Variants in NEB observed in about 807,000 individuals in gnomAD.
NEB encodes nemaline myopathy type 2.
Under a neutral mutation model 952.2 loss-of-function variants are expected in NEB, and 512 were observed. That is an observed-to-expected ratio of 0.54 (90% CI 0.50 to 0.58). The LOEUF is 0.58. Among genes scored for constraint, NEB ranks in the 20% least tolerant of loss-of-function variants. The pLI is 0.00. For synonymous variants in NEB, 2,900 were observed against 3,149.8 expected, an observed-to-expected ratio of 0.92 and a Z score of 2.66; for missense variants, 8,428 against 9,231.1, an observed-to-expected ratio of 0.91 and a Z score of 3.56.
chr2:151,616,221 T>C (rs1289596819), intron 75 of NEB, 112 bp from the exon 76 acceptor site: 2 of 761,462 alleles, frequency 2.6e-6, no homozygotes, highest in Non-Finnish European at 4.4e-6. Flanking sequence ...ACAAAGTCAA[T>C]CATTAGGGTG....
At chr2:151,556,646 AAAG>A (rs1269815871) in intron 124 of NEB, among the ~76,000 whole-genome samples, 4 of 152,096 alleles carry the variant, frequency 2.6e-5, no homozygotes, top group Non-Finnish European at 5.9e-5. Context: ...GGGATCAATG[AAAG>A]AAGAAGAGCT....
rs1319402730 is a variant in NEB, at chr2:151,679,969, T to G, written c.3096A>C (p.Pro1032=). The G allele has an allele frequency of 6.2e-7, 1 of 1,613,728 alleles. No individual in the cohort carries two copies. Among genetic ancestry groups the G allele is most frequent in the Non-Finnish European group, 8.5e-7 (1 of 1,179,724 alleles). The change falls in exon 31 of 182, where the codon CCA becomes CCC. Residue 1032 remains proline, a synonymous_variant. Transcript: ENST00000397345. The part of the protein sequence containing the change: ...EEIIHKYNLP[P]DLPQFIQAKV... ...TAGCCTGGATGAACTGGGGCAGGTC[T>G]GGTGGCAGGTTGTATTTGTGAATAA...
In NEB at chr2:151,553,407, T is replaced by C. The variant is rs141526973; in HGVS notation, c.19722A>G (p.Leu6574=). 24 of 1,611,230 alleles carry C rather than the reference T, an allele frequency of 1.5e-5. No individual in the cohort carries two copies. Among genetic ancestry groups the C allele is most frequent in the African/African-American group, 1.2e-4 (9 of 74,950 alleles). The change falls in exon 127 of 182, where the codon CTA becomes CTG. Residue 6574 remains leucine (L), a synonymous_variant. Transcript: ENST00000397345. ...EILHAKHAYD[L]RDDIKYKAHM... is the part of the protein sequence containing the mutation. ...AACAAGGCAAACTCACATCATCACG[T>C]AGATCATAAGCATGCTTGGCATGGA...
intron 133 of NEB, among the ~76,000 whole-genome samples, chr2:151,546,776 C>T (rs530008835): frequency 6.6e-5 from 10 of 152,170 alleles, no homozygotes; most frequent in Non-Finnish European, 1.2e-4. Flanking sequence ...CCAGGCTGGT[C>T]TCGAACTCCT....
chr2:151,703,042 T>C (rs2099682829), intron 13 of NEB, among the ~76,000 whole-genome samples: 1 of 151,976 alleles, frequency 6.6e-6, no homozygotes, highest in Admixed American at 6.6e-5. Flanking sequence ...GAAGCTCTTT[T>C]AGGGCAGGCC....
chr2:151,541,559 T>C lies in NEB; in HGVS notation c.20578-8A>G, dbSNP rs368526624. 9.4e-6 allele frequency: 15 copies of C among 1,603,818 alleles called. No individual in the cohort carries two copies. The highest frequency in any genetic ancestry group is 1.2e-5 in the Non-Finnish European group (14 of 1,171,232). On this transcript the variant is annotated splice_polypyrimidine_tract_variant and splice_region_variant and intron_variant, in intron 135 of 181. Transcript: ENST00000397345. ...TGCAGCTCTGTAGACCAGCTAGACA[T>C]AAACCAAGTTATCACCATCATTTCT...
chr2:151,497,822 G>A, intron 170 of NEB, 104 bp from the exon 171 acceptor site: 1 of 1,527,168 alleles, frequency 6.5e-7, no homozygotes, highest in South Asian at 1.3e-5. Flanking sequence ...GGAGCCAGAA[G>A]TTATATGCTG....
intron 157 of NEB, among the ~76,000 whole-genome samples, chr2:151,516,157 T>C (rs1029856477): frequency 2.0e-5 from 3 of 152,178 alleles, no homozygotes; most frequent in Non-Finnish European, 4.4e-5. Flanking sequence ...GAACTTTTCA[T>C]TCATAAAGGA....
chr2:151,570,589 C>G lies in NEB; in HGVS notation c.17026G>C (p.Glu5676Gln). The change falls in exon 108 of 182, where the codon GAG becomes CAG. Residue 5676 changes from glutamate (E) to glutamine (Q), a missense_variant. This residue lies in a region of NEB where 3,374 missense variants were observed against 3,651.5 expected (regional missense o/e 0.92). Coordinates refer to ENST00000397345, the MANE Select transcript of NEB (RefSeq NM_001164508.2). ...CCCGCCTTCATTTCATCCCAGCCCT[C>G]ACGGTAAAGTTTCTGAAAAGGAGAA... ...ALNVSNKLYR[E>Q]GWDEMKAGCD... 1 of 1,595,994 alleles carries G rather than the reference C, an allele frequency of 6.3e-7. No homozygotes were observed. The highest frequency in any genetic ancestry group is 2.3e-5 in the East Asian group (1 of 44,022).
In NEB at chr2:151,565,683, G is replaced by A. The variant is rs766454759; in HGVS notation, c.18261+33C>T. On this transcript the variant is annotated intron_variant, in intron 115 of 181. Transcript: ENST00000397345. ...CCCAACATGGCAGGTAGGAGGACAG[G>A]CATAGGTTAGAAGGAGAATAGGCTT... The A allele has an allele frequency of 2.5e-6, 4 of 1,587,184 alleles. No homozygotes were observed. In the Admixed American group the frequency reaches 6.9e-5, roughly 27 times the overall value.
chr2:151,695,601 CTT>C lies in NEB; in HGVS notation c.1649_1650del (p.Lys550SerfsTer5). The C allele has an allele frequency of 6.2e-7, 1 of 1,613,750 alleles. No individual in the cohort carries two copies. The highest frequency in any genetic ancestry group is 8.5e-7 in the Non-Finnish European group (1 of 1,179,724). On this transcript the variant is annotated frameshift_variant, in exon 18 of 182. Transcript: ENST00000397345. LOFTEE classifies it high-confidence loss of function. ...ACATCACTCAAGTTATAGGCATTGA[CTT>C]TGTGCTGGATAAAAGCAGGAGTATC... Reference protein sequence around the residue: ...PPDTPAFIQHKVNAYNLSDNL... With the variant: ...PPDTPAFIQHXVNAYNLSDNL...
chr2:151,568,168 T>C lies in NEB; in HGVS notation c.17747A>G (p.Lys5916Arg), dbSNP rs73967567. 1,032 of 1,613,126 alleles carry C rather than the reference T, an allele frequency of 6.4e-4. 6 individuals carry two copies. The African/African-American group carries it at 0.013, about 20-fold the overall frequency. ...AARILDQYLYKEGWERQKATG... is the reference protein window; with the variant it reads ...AARILDQYLYREGWERQKATG... Reference sequence around the variant, plus strand: ...GGCTTTTTGTCTCTCCCAGCCTTCCTTGTAGAGATACTGAAAGACAGAGCC... The same window carrying C: ...GGCTTTTTGTCTCTCCCAGCCTTCCCTGTAGAGATACTGAAAGACAGAGCC... The change falls in exon 113 of 182, where the codon AAG becomes AGG. Residue 5916 changes from lysine to arginine, a missense_variant. Physicochemically the swap from Lys to Arg is conservative, Grantham distance 26 (BLOSUM62 2). This residue lies in a region of NEB where 3,374 missense variants were observed against 3,651.5 expected (regional missense o/e 0.92). Transcript: ENST00000397345.
chr2:151,659,199 T>TA (rs1275318304), intron 46 of NEB, 30 bp from the exon 47 acceptor site: 1 of 1,460,496 alleles, frequency 6.8e-7, no homozygotes, highest in Non-Finnish European at 9.6e-7. Flanking sequence ...AATTAGTGTT[T>TA]AAAATCTTAA....
At chr2:151,653,928 A>T (rs1176297996) in intron 52 of NEB, 64 bp downstream of exon 52, 16 of 1,035,320 alleles carry the variant, frequency 1.5e-5, no homozygotes, top group Non-Finnish European at 1.9e-5. Context: ...AAAAATAGTT[A>T]CCGACATTAA....
intron 6 of NEB, 46 bp from the exon 7 acceptor site, chr2:151,725,007 G>C (rs556473915): frequency 2.1e-6 from 3 of 1,429,010 alleles, no homozygotes; most frequent in South Asian, 1.2e-5. Flanking sequence ...GCATGTACAT[G>C]TGAGTATATT....
chr2:151,591,750 G>C (rs1342177144), intron 95 of NEB, among the ~76,000 whole-genome samples: 2 of 152,310 alleles, frequency 1.3e-5, no homozygotes, highest in African/African-American at 2.4e-5. Flanking sequence ...AAGCAATGAT[G>C]GATGGCCCAC....
At chr2:151,493,587 G>A (rs1345604376) in intron 175 of NEB, 142 bp from the exon 176 acceptor site, 4 of 746,486 alleles carry the variant, frequency 5.4e-6, no homozygotes, top group African/African-American at 5.3e-5. Flanking sequence ...ACGGTAGGAA[G>A]CAAAAGTTTA....
At chr2:151,666,064 A>G in intron 41 of NEB, 26 bp downstream of exon 41, 1 of 1,582,624 alleles carries the variant, frequency 6.3e-7, no homozygotes, top group Non-Finnish European at 8.6e-7. Context: ...TTAGAAATGG[A>G]TAACAACTTG....
chr2:151,490,640 A>G lies in NEB; in HGVS notation c.25151-122T>C, dbSNP rs990774947. On this transcript the variant is annotated intron_variant, in intron 179 of 181. Coordinates refer to ENST00000397345, the MANE Select transcript of NEB (RefSeq NM_001164508.2). ...CAAGCATGGTTTTAAGTACTTTCCC[A>G]TGGGTCAAACCCTCACAGTTATTCT... 7 of 1,220,310 alleles carry G rather than the reference A, an allele frequency of 5.7e-6. No homozygotes were observed. The African/African-American group carries it at 9.0e-5, about 16-fold the overall frequency. 75.6% of individuals were successfully genotyped at this position (1,220,310 alleles called of 1,614,324 possible). A position where few individuals can be genotyped will look rare whatever the true frequency, so the allele number is the denominator to read the frequency against.
Sources: gnomAD v4.1 joint callset for allele counts (sites outside exome capture counted in the v4.1 genomes callset) on GRCh38, gnomAD v4.1.1 for gene constraint, gnomAD v4.1.1 regional missense constraint, MANE v1.5 for transcripts, NCBI Gene and HGNC (gene_info 2026-07-23, HGNC 2026-07-21) for gene names.